Variants in AK9 observed in about 807,000 individuals in gnomAD.
The protein encoded by AK9 is adenylate kinase 9, also known as adenylate kinase domain containing 1.
AK9 carries 191 observed loss-of-function variants against 239.6 expected under a neutral mutation model. The observed-to-expected ratio is 0.80, with a 90% CI of 0.71 to 0.90. AK9 has a LOEUF of 0.90. Ranked by LOEUF, AK9 falls within the 40% of genes least tolerant of loss-of-function variation. AK9 has a pLI of 0.00. For missense variants in AK9, 1,995 were observed against 2,214.7 expected (o/e 0.90, Z 1.99); for synonymous variants, 689 against 721.0 (o/e 0.96, Z 0.71).
At chr6:109,659,608 A>G (rs559263911) in intron 6 of AK9, among the ~76,000 whole-genome samples, 195 bp from the exon 7 acceptor site, 14 of 152,282 alleles carry the variant, frequency 9.2e-5, no homozygotes, top group African/African-American at 7.2e-5. Flanking sequence ...ATTTTATGCT[A>G]TATGTTTTTA....
intron 5 of AK9, among the ~76,000 whole-genome samples, chr6:109,664,881 AAT>A (rs1157433799): frequency 6.6e-6 from 1 of 152,164 alleles, no homozygotes; most frequent in East Asian, 2.0e-4. Flanking sequence ...AAAAAAAAAA[AAT>A]ACAAAAATTA....
At chr6:109,649,020 G>C (rs1798519104) in intron 8 of AK9, among the ~76,000 whole-genome samples, 1 of 152,118 alleles carries the variant, frequency 6.6e-6, no homozygotes, top group South Asian at 2.1e-4. Flanking sequence ...ATGCAGAAAA[G>C]GCCTTTGACA....
intron 25 of AK9, among the ~76,000 whole-genome samples, chr6:109,546,555 C>T (rs1178765710): frequency 6.6e-6 from 1 of 152,182 alleles, no homozygotes; most frequent in Non-Finnish European, 1.5e-5. Context: ...TTGTGTGGAT[C>T]ATCCACGGGA....
Position 109,601,152 on chromosome 6 carries a change from C to T in AK9, c.1842+9213G>A, listed in dbSNP as rs527745319. On this transcript the variant is annotated intron_variant, in intron 17 of 40. Coordinates refer to ENST00000424296, the MANE Select transcript of AK9 (RefSeq NM_001145128.3). ...TTTGTTTGCTCTTGTTTCTCTAGTTCTTTTAAATGTGATGTTAGGGTGTCA... is the reference window on the plus strand; with the variant it reads ...TTTGTTTGCTCTTGTTTCTCTAGTTTTTTTAAATGTGATGTTAGGGTGTCA... Among the ~76,000 whole-genome samples, 84 of 152,240 alleles carry T rather than the reference C, an allele frequency of 5.5e-4. 1 individual carries two copies. Among genetic ancestry groups the T allele is most frequent in the South Asian group, 3.1e-3 (15 of 4,824 alleles).
intron 35 of AK9, among the ~76,000 whole-genome samples, chr6:109,501,228 G>A (rs933057781): frequency 1.1e-4 from 16 of 152,106 alleles, no homozygotes; most frequent in African/African-American, 3.4e-4. Flanking sequence ...GAGGTTTTTG[G>A]ATTTTGGAAT....
Position 109,563,683 on chromosome 6 carries a change from T to A in AK9, c.2665A>T (p.Thr889Ser). 1 of 1,550,866 alleles carries A rather than the reference T, an allele frequency of 6.4e-7. No individual in the cohort carries two copies. Residue 889 changes from threonine (T) to serine (S), a missense_variant, in exon 24 of 41, where the codon ACT becomes TCT. Physicochemically the swap from Thr to Ser is moderately conservative, Grantham distance 58 (BLOSUM62 1). Around this residue, in one of 5 missense-constraint regions of AK9, gnomAD observed 1,290 missense variants for 1,392.7 expected, o/e 0.93. Transcript: ENST00000424296. The part of the protein sequence containing the change: ...KPFQYTAWEL[T>S]GEDYEEETED... ...GTTTCTTCCTCATAATCTTCCCCAG[T>A]TAACTCCCATGCAGTATATTGAAAT...
chr6:109,558,715 G>A (rs551565271), intron 24 of AK9, among the ~76,000 whole-genome samples: 2 of 151,916 alleles, frequency 1.3e-5, no homozygotes, highest in Non-Finnish European at 2.9e-5. Context: ...TAAGTACTCT[G>A]GATTTTCAAA....
chr6:109,588,301 C>G (rs1399799154), intron 17 of AK9, among the ~76,000 whole-genome samples: 1 of 152,058 alleles, frequency 6.6e-6, no homozygotes, highest in Non-Finnish European at 1.5e-5. Flanking sequence ...GATCTCCTGA[C>G]CTCGTGATCC....
At chr6:109,558,771 G>T (rs1215050016) in intron 24 of AK9, among the ~76,000 whole-genome samples, 1 of 151,964 alleles carries the variant, frequency 6.6e-6, no homozygotes, top group Non-Finnish European at 1.5e-5. Flanking sequence ...CAGTCTGCTG[G>T]GTTTTTAATT....
chr6:109,572,414 A>G (rs1287228519), intron 21 of AK9, among the ~76,000 whole-genome samples: 1 of 152,216 alleles, frequency 6.6e-6, no homozygotes, highest in Non-Finnish European at 1.5e-5. Flanking sequence ...ATTAGAAATA[A>G]AAAGTAAAAG....
At chr6:109,646,836 A>T (rs1326118148) in intron 8 of AK9, among the ~76,000 whole-genome samples, 1 of 152,244 alleles carries the variant, frequency 6.6e-6, no homozygotes, top group Non-Finnish European at 1.5e-5. Flanking sequence ...GGGCAGCCAG[A>T]GAGAAAGGTT....
At chr6:109,589,961 G>T (rs2128217789) in intron 17 of AK9, among the ~76,000 whole-genome samples, 1 of 152,188 alleles carries the variant, frequency 6.6e-6, no homozygotes, top group East Asian at 1.9e-4. Context: ...TCCTGAATCT[G>T]GTTTGCTAGT....
chr6:109,626,322 T>C lies in AK9; in HGVS notation c.1254+6601A>G, dbSNP rs1355658684. ...TTCAGGGCCAGTTTCTATTGTCTCC[T>C]TTTTTCTTGATATGGGTAACGTTTT... On this transcript the variant is annotated intron_variant, in intron 12 of 40. Coordinates refer to ENST00000424296, the MANE Select transcript of AK9 (RefSeq NM_001145128.3). Among the ~76,000 whole-genome samples, 4 of 152,352 alleles carry C rather than the reference T, an allele frequency of 2.6e-5. 1 individual carries two copies. The highest frequency in any genetic ancestry group is 6.8e-3 in the Middle Eastern group (2 of 294).
Position 109,494,080 on chromosome 6 carries a change from G to C in AK9, c.5434C>G (p.Leu1812Val). 6.2e-7 allele frequency: 1 copy of C among 1,613,270 alleles called. No individual in the cohort carries two copies. Among genetic ancestry groups the C allele is most frequent in the Non-Finnish European group, 8.5e-7 (1 of 1,179,378 alleles). Residue 1812 changes from leucine to valine, a missense_variant, in exon 40 of 41, where the codon CTA becomes GTA. Transcript: ENST00000424296. ...CCCGCTGCATTCATTGCTTTAATTA[G>C]AGAAGTTGCAATACCCTGCAGGGAG... ...GYLEQGIATSLIKAMNAAGCL... is the reference protein window; with the variant it reads ...GYLEQGIATSVIKAMNAAGCL...
intron 17 of AK9, among the ~76,000 whole-genome samples, chr6:109,603,718 AC>A (rs2077539843): frequency 6.6e-6 from 1 of 152,148 alleles, no homozygotes; most frequent in African/African-American, 2.4e-5. Flanking sequence ...GGTGGGATCC[AC>A]CCAGTTCGAG....
At chr6:109,657,299 C>T (rs1799821767) in intron 7 of AK9, among the ~76,000 whole-genome samples, 1 of 152,078 alleles carries the variant, frequency 6.6e-6, no homozygotes, top group Non-Finnish European at 1.5e-5. Context: ...CAACTAACAC[C>T]CTGGGCTCAT....
At chr6:109,506,831 C>G in intron 33 of AK9, 31 bp from the exon 34 acceptor site, 2 of 1,462,498 alleles carry the variant, frequency 1.4e-6, no homozygotes, top group Non-Finnish European at 1.8e-6. Context: ...AATAAAAATT[C>G]CACATTTCTT....
intron 12 of AK9, among the ~76,000 whole-genome samples, chr6:109,624,019 A>G (rs1274198055): frequency 6.6e-6 from 1 of 151,934 alleles, no homozygotes; most frequent in Non-Finnish European, 1.5e-5. Context: ...ACAATTACGT[A>G]GAACATGTTC....
chr6:109,642,198 C>G lies in AK9; in HGVS notation c.835-582G>C, dbSNP rs116266480. Among the ~76,000 whole-genome samples the G allele has an allele frequency of 5.8e-3, 882 of 152,238 alleles. 5 individuals are homozygous for G. The highest frequency in any genetic ancestry group is 0.02 in the African/African-American group (845 of 41,536). Reference sequence around the variant, plus strand: ...CACCTTGATTTTGGACTTTTAGCCTCCAGAACTGTGAGAGAATAAATATCT... The same window carrying G: ...CACCTTGATTTTGGACTTTTAGCCTGCAGAACTGTGAGAGAATAAATATCT... On this transcript the variant is annotated intron_variant, in intron 9 of 40. Transcript: ENST00000424296.
Sources: allele counts gnomAD v4.1 joint callset (sites outside exome capture counted in the v4.1 genomes callset), GRCh38; gene constraint gnomAD v4.1.1; regional missense constraint gnomAD v4.1.1; transcripts MANE v1.5; gene names NCBI Gene and HGNC (gene_info 2026-07-23, HGNC 2026-07-21).